Variants in ANO3 observed in about 807,000 individuals in gnomAD.
ANO3 encodes anoctamin-3.
A neutral mutation model predicts 144.8 loss-of-function variants in ANO3; 99 were observed. The observed-to-expected ratio is 0.68, with a 90% CI of 0.58 to 0.81. The LOEUF (loss-of-function observed/expected upper bound fraction) is 0.81, where lower values mean the gene tolerates loss of function less well. Among genes scored for constraint, ANO3 ranks in the 30% least tolerant of loss-of-function variants. ANO3 has a pLI of 0.00. For synonymous variants in ANO3, 414 were observed against 392.6 expected (o/e 1.05, Z -0.64); for missense variants, 905 against 1,202.2 (o/e 0.75, Z 3.66).
chr11:26,364,253 C>G (rs1049040942), intron 1 of ANO3, among the ~76,000 whole-genome samples: 14 of 152,220 alleles, frequency 9.2e-5, no homozygotes, highest in African/African-American at 3.4e-4. Flanking sequence ...CTCTGCATAT[C>G]TCGTCTCTGT....
At chr11:26,307,309 G>A (rs2133867727), upstream of ANO3, among the ~76,000 whole-genome samples, 1 of 152,168 alleles carries the variant, frequency 6.6e-6, no homozygotes, top group Non-Finnish European at 1.5e-5. Flanking sequence ...AGCTAAGATT[G>A]CGTCATTGCA....
At chr11:26,254,368 C>A (rs1000621245) in intron 1 of ANO3, among the ~76,000 whole-genome samples, 26 of 151,990 alleles carry the variant, frequency 1.7e-4, no homozygotes, top group Non-Finnish European at 3.2e-4. Flanking sequence ...AACATCAGAG[C>A]GGCAGAAATA....
At chr11:26,465,454 G>A (rs1168126900) in intron 4 of ANO3, among the ~76,000 whole-genome samples, 1 of 151,720 alleles carries the variant, frequency 6.6e-6, no homozygotes, top group Admixed American at 6.6e-5. Flanking sequence ...TTTGCAAAGA[G>A]ATCATTTTAG....
rs1242670007 is a variant in ANO3, at chr11:26,634,263, C to G, written c.1933C>G (p.Gln645Glu). The G allele has an allele frequency of 6.2e-7, 1 of 1,613,786 alleles. No individual in the cohort carries two copies. The highest frequency in any genetic ancestry group is 1.3e-5 in the African/African-American group (1 of 74,876). Residue 645 changes from glutamine (Q) to glutamate (E), a missense_variant, in exon 19 of 27, where the codon CAG (glutamine) becomes GAG (glutamate). Around this residue, in one of 4 missense-constraint regions of ANO3, gnomAD observed 597 missense variants for 865.1 expected, o/e 0.69. Coordinates refer to ENST00000256737, the MANE Select transcript of ANO3 (RefSeq NM_031418.4). ...NSFALKMFLF[Q>E]FVNLNSSIFY... ...CTTCGCCCTGAAGATGTTCCTCTTC[C>G]AGTTTGTCAATTTAAACAGTTCCAT...
chr11:26,367,750 G>T (rs1856133602), intron 1 of ANO3, among the ~76,000 whole-genome samples: 1 of 152,142 alleles, frequency 6.6e-6, no homozygotes, highest in South Asian at 2.1e-4. Flanking sequence ...AAGGAAGCAT[G>T]GTGCTGACAT....
At chr11:26,491,243 G>T (rs888472150) in intron 4 of ANO3, among the ~76,000 whole-genome samples, 2 of 152,032 alleles carry the variant, frequency 1.3e-5, no homozygotes, top group Non-Finnish European at 2.9e-5. Context: ...TGATTTTAAG[G>T]GTTAGTTATA....
chr11:26,258,852 G>A (rs553623315), intron 1 of ANO3, among the ~76,000 whole-genome samples: 2 of 152,274 alleles, frequency 1.3e-5, no homozygotes, highest in African/African-American at 2.4e-5. Context: ...TTTATGGAAT[G>A]AGAAATGGTG....
At chr11:26,601,310 A>G (rs551520352) in intron 17 of ANO3, among the ~76,000 whole-genome samples, 1 of 152,184 alleles carries the variant, frequency 6.6e-6, no homozygotes, top group African/African-American at 2.4e-5. Flanking sequence ...ACCATTTGCT[A>G]TTTAACTTTA....
chr11:26,226,639 G>A (rs1314631811), intron 1 of ANO3, among the ~76,000 whole-genome samples: 3 of 152,014 alleles, frequency 2.0e-5, no homozygotes, highest in Non-Finnish European at 4.4e-5. Context: ...ACCATCAGTG[G>A]CTACATAAAT....
upstream of ANO3, among the ~76,000 whole-genome samples, chr11:26,329,305 C>T (rs1854973013): frequency 1.3e-5 from 1 of 76,688 alleles, no homozygotes; most frequent in African/African-American, 3.2e-5. Flanking sequence ...TACACACACA[C>T]ACACACACAC....
intron 4 of ANO3, among the ~76,000 whole-genome samples, chr11:26,478,093 A>G (rs937213487): frequency 6.6e-6 from 1 of 152,174 alleles, no homozygotes; most frequent in Non-Finnish European, 1.5e-5. Context: ...ACACAACAAG[A>G]ATAAATAGGG....
chr11:26,445,465 T>C (rs1214567330), intron 3 of ANO3, among the ~76,000 whole-genome samples: 1 of 152,232 alleles, frequency 6.6e-6, no homozygotes, highest in Non-Finnish European at 1.5e-5. Flanking sequence ...CTCTGAATGC[T>C]TAACATAATT....
intron 1 of ANO3, among the ~76,000 whole-genome samples, chr11:26,424,246 T>TA (rs1389625308): frequency 2.1e-5 from 3 of 145,562 alleles, no homozygotes; most frequent in African/African-American, 8.3e-5. Context: ...GACTAAAATC[T>TA]CCCCCCCCAC....
intron 1 of ANO3, among the ~76,000 whole-genome samples, chr11:26,266,944 T>C (rs74595031): frequency 6.7e-6 from 1 of 148,896 alleles, no homozygotes. Context: ...AAAAAAAAAT[T>C]AGCCAGGCGT....
intron 1 of ANO3, among the ~76,000 whole-genome samples, chr11:26,430,896 G>A (rs932805590): frequency 7.2e-5 from 11 of 152,154 alleles, no homozygotes; most frequent in African/African-American, 1.9e-4. Flanking sequence ...TCAAGGAATT[G>A]CACCCACAAT....
intron 1 of ANO3, among the ~76,000 whole-genome samples, chr11:26,418,709 C>T (rs565540440): frequency 8.6e-5 from 13 of 151,708 alleles, no homozygotes; most frequent in Non-Finnish European, 1.3e-4. Flanking sequence ...AACAAGCGCG[C>T]GCGCGCACAC....
chr11:26,299,540 C>CT (rs529013901), intron 1 of ANO3, among the ~76,000 whole-genome samples: 62 of 151,990 alleles, frequency 4.1e-4, no homozygotes, highest in African/African-American at 1.5e-3. Context: ...AGAGAGATTG[C>CT]CTTTTTTTTT....
At chr11:26,525,733 T>G in intron 7 of ANO3, 54 bp downstream of exon 7, 2 of 1,406,188 alleles carry the variant, frequency 1.4e-6, no homozygotes, top group Non-Finnish European at 2.0e-6. Flanking sequence ...TTGAAAAAAA[T>G]AAGAAGATAT....
chr11:26,323,907 T>C (rs1854822481), intron 1 of ANO3, among the ~76,000 whole-genome samples: 1 of 152,218 alleles, frequency 6.6e-6, no homozygotes, highest in African/African-American at 2.4e-5. Context: ...AGCTCTGTGA[T>C]ACTCTTGAAA....
Sources: allele counts gnomAD v4.1 joint callset (sites outside exome capture counted in the v4.1 genomes callset), GRCh38; gene constraint gnomAD v4.1.1; regional missense constraint gnomAD v4.1.1; transcripts MANE v1.5; gene names NCBI Gene and HGNC (gene_info 2026-07-23, HGNC 2026-07-21).